MYB: variants seen among roughly 807,000 people sequenced by gnomAD.
MYB encodes the protein MYB proto-oncogene, transcription factor.
In MYB, 28 loss-of-function variants were observed where a neutral mutation model predicts 92.9. The observed-to-expected ratio is 0.30, with a 90% CI of 0.22 to 0.41. The LOEUF is 0.41. Among genes scored for constraint, MYB ranks in the 10% least tolerant of loss-of-function variants. The pLI is 1.00. For missense variants in MYB, 679 were observed against 929.3 expected (o/e 0.73, Z 3.50); for synonymous variants, 295 against 329.1 (o/e 0.90, Z 1.12).
intron 2 of MYB, among the ~76,000 whole-genome samples, chr6:135,186,648 C>A (rs920551516): frequency 1.3e-5 from 2 of 152,182 alleles, no homozygotes; most frequent in African/African-American, 4.8e-5. Flanking sequence ...GATTTAATAT[C>A]CTTGATATAC....
At chr6:135,210,843 TC>T (rs1035326729) in intron 15 of MYB, among the ~76,000 whole-genome samples, 1 of 152,206 alleles carries the variant, frequency 6.6e-6, no homozygotes, top group African/African-American at 2.4e-5. Context: ...TTAGGCAGAG[TC>T]GCCACATAGT....
chr6:135,208,459 G>A (rs983714808), intron 15 of MYB, among the ~76,000 whole-genome samples: 1 of 151,868 alleles, frequency 6.6e-6, no homozygotes, highest in Non-Finnish European at 1.5e-5. Context: ...ATGGCTCACT[G>A]CAGCCTACCT....
At position 135,190,499 on chromosome 6, in the gene MYB, CATCTTAGAGTTT is replaced by C; in HGVS notation, c.527+155_527+166del. The C allele has an allele frequency of 1.5e-6, 1 of 680,810 alleles. No homozygotes were observed. The highest frequency in any genetic ancestry group is 2.5e-6 in the Non-Finnish European group (1 of 404,770). The allele number at this position is 680,810 out of a possible 1,614,324, so 42.2% of individuals were successfully genotyped here. On this transcript the variant is annotated intron_variant, in intron 5 of 15. Coordinates refer to ENST00000341911, the MANE Select transcript of MYB (RefSeq NM_001130173.2). The surrounding 1 kb of genome is among the most constrained non-coding windows in gnomAD (Gnocchi z 4.5). Reference sequence around the variant, plus strand: ...CTACATAGCTTTTAGAGATTGAAGACATCTTAGAGTTTATTTGGTTGAGAACTTCCAGGATCC... The same window carrying C: ...CTACATAGCTTTTAGAGATTGAAGACATTTGGTTGAGAACTTCCAGGATCC...
intron 15 of MYB, among the ~76,000 whole-genome samples, chr6:135,211,721 A>G (rs1779729807): frequency 6.6e-6 from 1 of 152,224 alleles, no homozygotes; most frequent in African/African-American, 2.4e-5. Context: ...AATTTGGGAA[A>G]GGTCCATCCA....
In MYB at chr6:135,217,844, G is replaced by A. The variant is rs1171950378; in HGVS notation, c.2170-20G>A. ...AGCTTCTTTGTCTGACGCTCCTGTTGCCATCCCTTTCTCCATCAGCCTTGT... is the reference window on the plus strand; with the variant it reads ...AGCTTCTTTGTCTGACGCTCCTGTTACCATCCCTTTCTCCATCAGCCTTGT... On this transcript the variant is annotated intron_variant, in intron 15 of 15. Transcript: ENST00000341911. 5.2e-6 allele frequency: 8 copies of A among 1,535,954 alleles called. No homozygotes were observed. The highest frequency in any genetic ancestry group is 1.7e-5 in the Admixed American group (1 of 59,860).
chr6:135,204,648 T>G (rs1220287899), intron 15 of MYB, among the ~76,000 whole-genome samples: 1 of 152,174 alleles, frequency 6.6e-6, no homozygotes, highest in African/African-American at 2.4e-5. Flanking sequence ...CACATTTTGT[T>G]TAATTAAATC....
Position 135,218,211 on chromosome 6 carries a change from A to C in MYB, c.*231A>C, listed in dbSNP as rs1286051824. The C allele has an allele frequency of 2.3e-6, 1 of 438,228 alleles. No individual in the cohort carries two copies. The highest frequency in any genetic ancestry group is 2.1e-5 in the African/African-American group (1 of 47,912). 27.1% of individuals were successfully genotyped at this position (438,228 alleles called of 1,614,324 possible). ...GTCTTACCTAAATTATTAGGTAATGAATTGTAGCCAGTTGTTAATATCTTA... is the reference window on the plus strand; with the variant it reads ...GTCTTACCTAAATTATTAGGTAATGCATTGTAGCCAGTTGTTAATATCTTA... On this transcript the variant is annotated 3_prime_UTR_variant, in exon 16 of 16. Coordinates refer to ENST00000341911, the MANE Select transcript of MYB (RefSeq NM_001130173.2).
intron 14 of MYB, 117 bp from the exon 15 acceptor site, chr6:135,203,100 A>AT: frequency 1.3e-6 from 1 of 793,472 alleles, no homozygotes; most frequent in African/African-American, 1.7e-5. Flanking sequence ...AGATGACTGC[A>AT]TTTTTTTATG....
Position 135,182,477 on chromosome 6 carries a change from AC to A in MYB, c.23+944del, listed in dbSNP as rs1452858714. Among the ~76,000 whole-genome samples, 1 of 152,096 alleles carries A rather than the reference AC, an allele frequency of 6.6e-6. No homozygotes were observed. Among genetic ancestry groups the A allele is most frequent in the Non-Finnish European group, 1.5e-5 (1 of 68,006 alleles). On this transcript the variant is annotated intron_variant, in intron 1 of 15. Transcript: ENST00000341911. This position sits in a 1 kb window ranked among gnomAD's most constrained non-coding sequence, Gnocchi z 5.6. ...GCTCAAGGGGACAGAGGCCGGCAGC[AC>A]CCAAGGCCGCTGCCGCGCAACCGGG...
chr6:135,192,928 A>G (rs1291632461), intron 6 of MYB, among the ~76,000 whole-genome samples: 4 of 152,206 alleles, frequency 2.6e-5, no homozygotes, highest in Admixed American at 2.6e-4. Flanking sequence ...TGTAGATGTA[A>G]TGTTTTTCTC....
At chr6:135,189,483 A>G (rs1253598817) in intron 3 of MYB, among the ~76,000 whole-genome samples, 1 of 152,156 alleles carries the variant, frequency 6.6e-6, no homozygotes, top group Admixed American at 6.5e-5. Context: ...CTATGTAGAT[A>G]CTCTGCAAAA....
chr6:135,217,960 G>A lies in MYB; in HGVS notation c.2266G>A (p.Ala756Thr). 1.2e-6 allele frequency: 2 copies of A among 1,610,086 alleles called. No homozygotes were observed. The highest frequency in any genetic ancestry group is 2.2e-5 in the East Asian group (1 of 44,842). Residue 756 changes from alanine (A) to threonine (T), a missense_variant, in exon 16 of 16, where the codon GCC becomes ACC. This residue lies in a region of MYB where 402 missense variants were observed against 434.2 expected (regional missense o/e 0.93). Coordinates refer to ENST00000341911, the MANE Select transcript of MYB (RefSeq NM_001130173.2). ...QARKYVNAFS[A>T]RTLVM ...TCGTAAATACGTGAATGCATTCTCA[G>A]CCCGGACGCTGGTCATGTGAGACAT...
intron 15 of MYB, among the ~76,000 whole-genome samples, chr6:135,209,291 T>C (rs971680303): frequency 3.9e-5 from 6 of 152,196 alleles, no homozygotes; most frequent in Non-Finnish European, 8.8e-5. Context: ...TGCAGTGCAG[T>C]GGTACAATCT....
chr6:135,189,970 A>G, intron 4 of MYB, 87 bp downstream of exon 4: 2 of 1,471,606 alleles, frequency 1.4e-6, no homozygotes, highest in South Asian at 2.4e-5. Flanking sequence ...AGCAGGTAAA[A>G]TGGGCAAACA....
chr6:135,203,528 T>C (rs1026314420), intron 15 of MYB: 8 of 667,212 alleles, frequency 1.2e-5, no homozygotes, highest in East Asian at 5.4e-5. Flanking sequence ...ATATGAGACA[T>C]GCTAGAAATT....
At chr6:135,186,378 C>T (rs1426735966) in intron 2 of MYB, among the ~76,000 whole-genome samples, 4 of 152,218 alleles carry the variant, frequency 2.6e-5, no homozygotes, top group Non-Finnish European at 5.9e-5. Context: ...GATGCATCCT[C>T]CTGTGATCCC....
In MYB at chr6:135,195,792, C is replaced by T. The variant is rs779717755; in HGVS notation, c.993C>T (p.Thr331=). Residue 331 remains threonine, a synonymous_variant, in exon 9 of 16, where the codon ACC becomes ACT. Coordinates refer to ENST00000341911, the MANE Select transcript of MYB (RefSeq NM_001130173.2). Reference sequence around the variant, plus strand: ...GCTACCCCGGGTGGCACAGCACCACCATTGCCGACCACACCAGACCTCATG... The same window carrying T: ...GCTACCCCGGGTGGCACAGCACCACTATTGCCGACCACACCAGACCTCATG... ...TCSYPGWHST[T]IADHTRPHGD... 1 of 1,614,086 alleles carries T rather than the reference C, an allele frequency of 6.2e-7. No individual in the cohort carries two copies. Among genetic ancestry groups the T allele is most frequent in the African/African-American group, 1.3e-5 (1 of 74,926 alleles).
intron 9 of MYB, 89 bp downstream of exon 9, chr6:135,196,091 G>A (rs1224003417): frequency 7.7e-7 from 1 of 1,300,706 alleles, no homozygotes; most frequent in South Asian, 1.3e-5. Flanking sequence ...CTATAGCCAA[G>A]CTGTTATTAG....
At chr6:135,196,568 C>T (rs902991729) in intron 9 of MYB, among the ~76,000 whole-genome samples, 18 of 152,278 alleles carry the variant, frequency 1.2e-4, no homozygotes, top group African/African-American at 3.6e-4. Flanking sequence ...AATCATCTTT[C>T]GTGAAACAAA....
Sources: allele counts gnomAD v4.1 joint callset (sites outside exome capture counted in the v4.1 genomes callset), GRCh38; gene constraint gnomAD v4.1.1; regional missense constraint gnomAD v4.1.1; non-coding constraint Gnocchi (gnomAD v3.1); transcripts MANE v1.5; gene names NCBI Gene and HGNC (gene_info 2026-07-23, HGNC 2026-07-21).